The following ACYP2 variants were observed in gnomAD, a reference collection of about 807,000 sequenced individuals.
The protein encoded by ACYP2 is acylphosphatase-2.
Under a neutral mutation model 11.2 loss-of-function variants are expected in ACYP2, and 12 were observed. That is an observed-to-expected ratio of 1.08 (90% CI 0.69 to 1.74). The LOEUF (loss-of-function observed/expected upper bound fraction) is 1.74. ACYP2 is among the 40% of genes most tolerant of loss of function. The pLI is 0.00. For synonymous variants in ACYP2, 43 were observed against 32.2 expected (o/e 1.33, Z -1.13); for missense variants, 134 against 101.9 (o/e 1.31, Z -1.35).
At chr2:54,203,908 C>T (rs903571759) in intron 6 of ACYP2, among the ~76,000 whole-genome samples, 4 of 151,978 alleles carry the variant, frequency 2.6e-5, no homozygotes, top group South Asian at 2.1e-4. Flanking sequence ...GTCCAACCCA[C>T]GGCCCAGGAT....
At chr2:54,004,404 CTTTTTTTT>C (rs1168703943) in intron 2 of ACYP2, among the ~76,000 whole-genome samples, 1 of 92,060 alleles carries the variant, frequency 1.1e-5, no homozygotes, top group South Asian at 3.7e-4. Flanking sequence ...GTAGTTTAGC[CTTTTTTTT>C]TTTTTTTTTT....
intron 2 of ACYP2, chr2:54,029,588 C>G: frequency 2.6e-6 from 1 of 391,444 alleles, no homozygotes; most frequent in Non-Finnish European, 4.9e-6. Flanking sequence ...TCAGTTGAAT[C>G]CAGGTAACTT....
chr2:54,019,684 A>G (rs1263185352), intron 2 of ACYP2, among the ~76,000 whole-genome samples: 2 of 151,486 alleles, frequency 1.3e-5, no homozygotes, highest in South Asian at 2.1e-4. Context: ...CAGTGGCGTG[A>G]TCTCAGCTCA....
At chr2:54,279,455 G>A (rs560432044) in intron 6 of ACYP2, among the ~76,000 whole-genome samples, 11 of 152,258 alleles carry the variant, frequency 7.2e-5, no homozygotes, top group South Asian at 2.1e-4. Flanking sequence ...GCCAACTCCC[G>A]ATTTTAACCA....
At chr2:54,258,810 G>C (rs981830706) in intron 6 of ACYP2, among the ~76,000 whole-genome samples, 6 of 152,144 alleles carry the variant, frequency 3.9e-5, no homozygotes, top group Admixed American at 2.0e-4. Flanking sequence ...GAATACCTGA[G>C]ACTGGGTAAT....
intron 6 of ACYP2, among the ~76,000 whole-genome samples, chr2:54,160,639 G>A (rs1361366979): frequency 2.0e-5 from 3 of 152,212 alleles, no homozygotes; most frequent in African/African-American, 4.8e-5. Flanking sequence ...TGTCAGATAC[G>A]AAGGCATTGA....
At chr2:54,171,537 C>CT (rs1297470826) in intron 6 of ACYP2, among the ~76,000 whole-genome samples, 1 of 152,134 alleles carries the variant, frequency 6.6e-6, no homozygotes, top group African/African-American at 2.4e-5. Context: ...GCGTTGGTTG[C>CT]TAAATACATT....
intron 6 of ACYP2, among the ~76,000 whole-genome samples, chr2:54,208,441 G>A (rs370025961): frequency 7.9e-5 from 12 of 152,070 alleles, no homozygotes; most frequent in African/African-American, 2.9e-4. Context: ...GGAGCCGGGG[G>A]TGCAGGGGGT....
intron 6 of ACYP2, among the ~76,000 whole-genome samples, chr2:54,273,282 A>T (rs1688397299): frequency 6.6e-6 from 1 of 152,220 alleles, no homozygotes; most frequent in East Asian, 1.9e-4. Context: ...AAACATACAA[A>T]GTTTTAAATG....
At chr2:54,243,317 GCTC>G (rs995597476) in intron 6 of ACYP2, among the ~76,000 whole-genome samples, 4 of 152,062 alleles carry the variant, frequency 2.6e-5, no homozygotes, top group African/African-American at 9.7e-5. Context: ...ATAGCCTATT[GCTC>G]CTATTTTACA....
chr2:53,990,965 T>G (rs1183522770), intron 2 of ACYP2, among the ~76,000 whole-genome samples: 1 of 151,858 alleles, frequency 6.6e-6, no homozygotes, highest in East Asian at 2.0e-4. Context: ...CCCGGCTAAT[T>G]TTTTATATTT....
intron 4 of ACYP2, among the ~76,000 whole-genome samples, chr2:54,072,862 C>T (rs531152657): frequency 1.3e-5 from 2 of 152,164 alleles, no homozygotes; most frequent in African/African-American, 4.8e-5. Context: ...CAAGCCCAGC[C>T]CCCAGCTACC....
At chr2:54,081,906 G>A (rs1242521241) in intron 4 of ACYP2, among the ~76,000 whole-genome samples, 1 of 152,194 alleles carries the variant, frequency 6.6e-6, no homozygotes, top group East Asian at 1.9e-4. Flanking sequence ...TGAGGTAACA[G>A]GGATGATTAG....
At chr2:54,061,857 T>C (rs1248732334) in intron 4 of ACYP2, among the ~76,000 whole-genome samples, 1 of 152,102 alleles carries the variant, frequency 6.6e-6, no homozygotes, top group Non-Finnish European at 1.5e-5. Flanking sequence ...GAGGATTGCT[T>C]GAGCCCAAGA....
At chr2:54,231,306 CAG>C (rs1358370056) in intron 6 of ACYP2, among the ~76,000 whole-genome samples, 1 of 152,156 alleles carries the variant, frequency 6.6e-6, no homozygotes, top group Non-Finnish European at 1.5e-5. Flanking sequence ...AAATATTTTA[CAG>C]AGTTTGACTC....
intron 4 of ACYP2, among the ~76,000 whole-genome samples, chr2:54,073,969 C>G (rs1313597224): frequency 1.3e-5 from 2 of 152,182 alleles, no homozygotes; most frequent in African/African-American, 2.4e-5. Context: ...TGGAAACAGT[C>G]TGGCAGTTCC....
intron 4 of ACYP2, among the ~76,000 whole-genome samples, chr2:54,086,705 G>A (rs575762646): frequency 2.6e-5 from 4 of 152,342 alleles, no homozygotes; most frequent in East Asian, 3.9e-4. Context: ...GCGCTAGTGC[G>A]TGTTTGCTAG....
intron 4 of ACYP2, among the ~76,000 whole-genome samples, chr2:54,117,130 G>T (rs1434750205): frequency 6.6e-6 from 1 of 152,126 alleles, no homozygotes; most frequent in Non-Finnish European, 1.5e-5. Flanking sequence ...ATTCTTTGAA[G>T]AGAAATTTAG....
intron 2 of ACYP2, among the ~76,000 whole-genome samples, chr2:53,974,102 G>C (rs1301109086): frequency 6.6e-6 from 1 of 151,278 alleles, no homozygotes; most frequent in African/African-American, 2.4e-5. Flanking sequence ...TTTTAGTAGA[G>C]ACAGGCTTTC....
Sources: gnomAD v4.1 joint callset for allele counts (sites outside exome capture counted in the v4.1 genomes callset) on GRCh38, gnomAD v4.1.1 for gene constraint, MANE v1.5 for transcripts, NCBI Gene and HGNC (gene_info 2026-07-23, HGNC 2026-07-21) for gene names.